The following SCYL3 variants were observed in gnomAD, a reference collection of about 807,000 sequenced individuals.
SCYL3 encodes the protein protein-associating with the carboxyl-terminal domain of ezrin.
Under a neutral mutation model 73.8 loss-of-function variants are expected in SCYL3, and 35 were observed. The observed-to-expected ratio is 0.47, with a 90% CI of 0.36 to 0.63. SCYL3 has a LOEUF of 0.63. Ranked by LOEUF, SCYL3 falls within the 20% of genes least tolerant of loss-of-function variation. The pLI is 0.00. For missense variants in SCYL3, 712 were observed against 798.9 expected, an observed-to-expected ratio of 0.89 and a Z score of 1.31; for synonymous variants, 277 against 295.2, an observed-to-expected ratio of 0.94 and a Z score of 0.63.
intron 8 of SCYL3, among the ~76,000 whole-genome samples, chr1:169,864,868 G>C (rs1003390033): frequency 6.6e-6 from 1 of 152,046 alleles, no homozygotes; most frequent in Non-Finnish European, 1.5e-5. Flanking sequence ...TGAGGCATGG[G>C]AGGCTGAGGT....
At chr1:169,868,626 G>A (rs1660196198) in intron 7 of SCYL3, among the ~76,000 whole-genome samples, 1 of 152,196 alleles carries the variant, frequency 6.6e-6, no homozygotes, top group African/African-American at 2.4e-5. Context: ...CTGTAAACCA[G>A]TGGACACACC....
chr1:169,879,706 T>C (rs1477692466), intron 2 of SCYL3, among the ~76,000 whole-genome samples: 1 of 152,078 alleles, frequency 6.6e-6, no homozygotes, highest in Non-Finnish European at 1.5e-5. Context: ...ACATTCTCAA[T>C]GGAAAAGACA....
At chr1:169,884,403 T>C (rs1425009464) in intron 2 of SCYL3, among the ~76,000 whole-genome samples, 1 of 152,196 alleles carries the variant, frequency 6.6e-6, no homozygotes, top group Non-Finnish European at 1.5e-5. Flanking sequence ...GTTCAAATGA[T>C]TCGTCTGCCT....
rs1325573899 is a variant in SCYL3, at chr1:169,852,559, A to G, written c.*1154T>C. The G allele has an allele frequency of 2.8e-5, 15 of 543,604 alleles. No homozygotes were observed. The Admixed American group carries it at 4.9e-4, about 18-fold the overall frequency. The allele number at this position is 543,604 out of a possible 1,614,324, so 33.7% of individuals were successfully genotyped here. A position where few individuals can be genotyped will look rare whatever the true frequency, so the allele number is the denominator to read the frequency against. On this transcript the variant is annotated 3_prime_UTR_variant, in exon 13 of 13. Transcript: ENST00000367771. ...CCCTTTGGGACAGGATACTTGTTGT[A>G]TACCACATACAAACTAAGACACTGG...
At chr1:169,872,126 C>T (rs1660447720) in intron 5 of SCYL3, among the ~76,000 whole-genome samples, 1 of 152,212 alleles carries the variant, frequency 6.6e-6, no homozygotes, top group Admixed American at 6.5e-5. Flanking sequence ...TCATGGCAGC[C>T]CCTCCCATCA....
At position 169,888,884 on chromosome 1, in the gene SCYL3, A is replaced by G. The variant is rs372443472; in HGVS notation, c.-44T>C. 2.7e-5 allele frequency: 41 copies of G among 1,514,594 alleles called. No individual in the cohort carries two copies. The African/African-American group carries it at 5.0e-4, about 19-fold the overall frequency. The allele number at this position is 1,514,594 out of a possible 1,614,324, so 93.8% of individuals were successfully genotyped here. ...GTACTGCCACTCTTCCTCAAAGCCA[A>G]GCAGATCTAAAAGAAAACAGAAAAC... On this transcript the variant is annotated 5_prime_UTR_variant, in exon 2 of 13. Coordinates refer to ENST00000367771, the MANE Select transcript of SCYL3 (RefSeq NM_020423.7).
rs763594718 is a variant in SCYL3, at chr1:169,873,731, T to C, written c.487A>G (p.Ile163Val). 9 of 1,605,186 alleles carry C rather than the reference T, an allele frequency of 5.6e-6. No homozygotes were observed. The highest frequency in any genetic ancestry group is 1.7e-5 in the Admixed American group (1 of 59,846). Reference protein sequence around the residue: ...TPEFLRSIQSIRDPASIPPEE... With the variant: ...TPEFLRSIQSVRDPASIPPEE... Reference sequence around the variant, plus strand: ...GGAGGGATAGATGCTGGGTCTCTTATTGACTGAATACTCCTCAGAAACTAG... The same window carrying C: ...GGAGGGATAGATGCTGGGTCTCTTACTGACTGAATACTCCTCAGAAACTAG... The change falls in exon 5 of 13, where the codon ATA becomes GTA. Residue 163 changes from isoleucine to valine, a missense_variant. Transcript: ENST00000367771.
chr1:169,857,377 A>C (rs1659264070), intron 11 of SCYL3, among the ~76,000 whole-genome samples: 1 of 152,214 alleles, frequency 6.6e-6, no homozygotes, highest in Non-Finnish European at 1.5e-5. Context: ...ATAATACTTT[A>C]AGTCATTTCT....
intron 1 of SCYL3, 28 bp from the exon 2 acceptor site, chr1:169,888,918 A>C: frequency 7.5e-7 from 1 of 1,324,522 alleles, no homozygotes. Context: ...ACAATTTCAA[A>C]CATTAAATCC....
rs1362975801 is a variant in SCYL3, at chr1:169,862,582, T to G, written c.1140+31A>C. On this transcript the variant is annotated intron_variant, in intron 10 of 12. Transcript: ENST00000367771. ...TTCAGCACTCTTCCCTCAGGTTCTG[T>G]GACTACCCCACTGCAAACTTGGCCT... 4 of 1,611,050 alleles carry G rather than the reference T, an allele frequency of 2.5e-6. No homozygotes were observed. The African/African-American group carries it at 4.0e-5, about 16-fold the overall frequency.
intron 5 of SCYL3, 37 bp from the exon 6 acceptor site, chr1:169,870,394 G>T (rs373548529): frequency 7.2e-7 from 1 of 1,381,596 alleles, no homozygotes; most frequent in Non-Finnish European, 1.0e-6. Flanking sequence ...TAGAGGATCT[G>T]CCTTATAAGC....
At chr1:169,872,268 A>G (rs1660460270) in intron 5 of SCYL3, among the ~76,000 whole-genome samples, 1 of 152,236 alleles carries the variant, frequency 6.6e-6, no homozygotes, top group Admixed American at 6.5e-5. Context: ...GCCAACGTAG[A>G]GCTCAGCATG....
chr1:169,888,662 A>C lies in SCYL3; in HGVS notation c.165+14T>G. 6.2e-7 allele frequency: 1 copy of C among 1,605,544 alleles called. No individual in the cohort carries two copies. The highest frequency in any genetic ancestry group is 8.5e-7 in the Non-Finnish European group (1 of 1,174,636). On this transcript the variant is annotated intron_variant, in intron 2 of 12. Coordinates refer to ENST00000367771, the MANE Select transcript of SCYL3 (RefSeq NM_020423.7). The stretch of plus-strand genomic sequence containing the variant: ...AAAAAGTACTAACTATTAAGTCGTC[A>C]CCTATTATGGTACCTTGGCAGCTTT...
intron 2 of SCYL3, among the ~76,000 whole-genome samples, chr1:169,885,522 A>G (rs747154639): frequency 6.6e-6 from 1 of 152,208 alleles, no homozygotes; most frequent in South Asian, 2.1e-4. Context: ...AGATGCCTAA[A>G]CTAGAGAACA....
chr1:169,867,524 C>T (rs2047740494), intron 7 of SCYL3, among the ~76,000 whole-genome samples: 2 of 152,178 alleles, frequency 1.3e-5, no homozygotes, highest in Admixed American at 6.5e-5. Flanking sequence ...TCAGCTCACA[C>T]CCTACTGTAT....
chr1:169,862,486 A>G, intron 10 of SCYL3, 127 bp downstream of exon 10: 3 of 957,732 alleles, frequency 3.1e-6, no homozygotes, highest in Non-Finnish European at 4.7e-6. Context: ...TAATTTCAGC[A>G]CTTTGTATTC....
At chr1:169,886,236 G>C (rs992207064) in intron 2 of SCYL3, among the ~76,000 whole-genome samples, 1 of 152,054 alleles carries the variant, frequency 6.6e-6, no homozygotes, top group Non-Finnish European at 1.5e-5. Context: ...ACTTCAACCC[G>C]GGAGGCAGAG....
chr1:169,864,233 A>G (rs1659865080), intron 9 of SCYL3, 136 bp downstream of exon 9: 1 of 1,158,758 alleles, frequency 8.6e-7, no homozygotes, highest in East Asian at 2.3e-5. Flanking sequence ...AAGTTATCAC[A>G]TCAGGGGCCA....
At chr1:169,862,039 C>T (rs1319967219) in intron 10 of SCYL3, among the ~76,000 whole-genome samples, 1 of 152,216 alleles carries the variant, frequency 6.6e-6, no homozygotes. Context: ...CATCCTACAG[C>T]CTTCAGAGGA....
Sources: allele counts gnomAD v4.1 joint callset (sites outside exome capture counted in the v4.1 genomes callset), GRCh38; gene constraint gnomAD v4.1.1; transcripts MANE v1.5; gene names NCBI Gene and HGNC (gene_info 2026-07-23, HGNC 2026-07-21).